OSBPL8: variants seen among roughly 807,000 people sequenced by gnomAD.
OSBPL8 encodes the protein oxysterol binding protein like 8, also known as oxysterol-binding protein-related protein 8.
A neutral mutation model predicts 125.5 loss-of-function variants in OSBPL8; 59 were observed. The ratio of observed to expected loss-of-function variants is 0.47; its 90% CI spans 0.38 to 0.58. The LOEUF is 0.58. Ranked by LOEUF, OSBPL8 falls within the 20% of genes least tolerant of loss-of-function variation. The pLI is 0.00. For missense variants in OSBPL8, 758 were observed against 1,047.8 expected, an observed-to-expected ratio of 0.72 and a Z score of 3.82; for synonymous variants, 330 against 338.9, an observed-to-expected ratio of 0.97 and a Z score of 0.29.
At chr12:76,539,263 C>T (rs772613046) in intron 1 of OSBPL8, among the ~76,000 whole-genome samples, 3 of 152,038 alleles carry the variant, frequency 2.0e-5, no homozygotes, top group Middle Eastern at 3.4e-3. Context: ...CTTCTCTATG[C>T]GTATTTATGT....
At chr12:76,414,221 C>A (rs1868352028) in intron 4 of OSBPL8, among the ~76,000 whole-genome samples, 1 of 151,646 alleles carries the variant, frequency 6.6e-6, no homozygotes, top group Admixed American at 6.6e-5. Flanking sequence ...TTTCTGCACA[C>A]CCTATCTGTT....
chr12:76,368,451 A>AC (rs1192883399), intron 21 of OSBPL8, among the ~76,000 whole-genome samples: 1 of 145,134 alleles, frequency 6.9e-6, no homozygotes, highest in Non-Finnish European at 1.5e-5. Flanking sequence ...AAATTTGGGG[A>AC]TTGGGGGGTC....
chr12:76,358,007 T>TGTCA (rs1952048335), intron 22 of OSBPL8, among the ~76,000 whole-genome samples: 1 of 152,104 alleles, frequency 6.6e-6, no homozygotes, highest in Non-Finnish European at 1.5e-5. Flanking sequence ...TTTTATTGTC[T>TGTCA]GTCACTTCCA....
intron 4 of OSBPL8, among the ~76,000 whole-genome samples, chr12:76,447,625 C>T (rs1872864035): frequency 6.6e-6 from 1 of 152,066 alleles, no homozygotes; most frequent in Non-Finnish European, 1.5e-5. Flanking sequence ...CTCACTGCAA[C>T]CTCTGCCTCC....
intron 3 of OSBPL8, among the ~76,000 whole-genome samples, chr12:76,456,462 CCAA>C (rs1343907940): frequency 6.6e-6 from 1 of 151,984 alleles, no homozygotes; most frequent in Non-Finnish European, 1.5e-5. Context: ...ACTAGCCTGG[CCAA>C]CACGGTGAAA....
rs1953880062 is a variant in OSBPL8 at position 76,397,907 on chromosome 12, G to A, written c.469-10C>T. On this transcript the variant is annotated splice_polypyrimidine_tract_variant and intron_variant, in intron 7 of 23. Transcript: ENST00000261183. ...TTAGAGTACCACGAATCTACAGAAA[G>A]ATAAATTTATTTTAAAAAGGAAGAT... 6.2e-7 allele frequency: 1 copy of A among 1,608,558 alleles called. No individual in the cohort carries two copies. The highest frequency in any genetic ancestry group is 8.5e-7 in the Non-Finnish European group (1 of 1,177,252).
At chr12:76,548,164 A>G (rs1209231548) in intron 1 of OSBPL8, among the ~76,000 whole-genome samples, 1 of 152,218 alleles carries the variant, frequency 6.6e-6, no homozygotes, top group East Asian at 1.9e-4. Flanking sequence ...CTGAAATAAA[A>G]ACAACTCATA....
At chr12:76,440,033 T>C (rs1268759511) in intron 4 of OSBPL8, among the ~76,000 whole-genome samples, 1 of 152,206 alleles carries the variant, frequency 6.6e-6, no homozygotes, top group Non-Finnish European at 1.5e-5. Flanking sequence ...GTTCATTACT[T>C]CTGAGCCTTT....
chr12:76,353,853 A>C lies in OSBPL8; in HGVS notation c.*2036T>G, dbSNP rs1342490175. 6.6e-6 allele frequency: 1 copy of C among 152,436 alleles called. No individual in the cohort carries two copies. Among genetic ancestry groups the C allele is most frequent in the Admixed American group, 6.6e-5 (1 of 15,266 alleles). The allele number at this position is 152,436 out of a possible 1,614,324, so 9.4% of individuals were successfully genotyped here. On this transcript the variant is annotated 3_prime_UTR_variant, in exon 24 of 24. Coordinates refer to ENST00000261183, the MANE Select transcript of OSBPL8 (RefSeq NM_020841.5). ...ACCCATAACATTTGCTCTAAAAAGA[A>C]ATTTTAAAAATAAAGAACACAACTA...
At chr12:76,467,375 T>A (rs545392401) in intron 2 of OSBPL8, among the ~76,000 whole-genome samples, 9 of 152,200 alleles carry the variant, frequency 5.9e-5, no homozygotes, top group African/African-American at 2.2e-4. Flanking sequence ...TCTTCATACC[T>A]AGCATATCTC....
chr12:76,369,364 T>G, intron 20 of OSBPL8, 63 bp from the exon 21 acceptor site: 2 of 1,530,068 alleles, frequency 1.3e-6, no homozygotes, highest in Non-Finnish European at 1.7e-6. Context: ...TTTAAAACTT[T>G]CTATTCTATG....
At chr12:76,460,986 T>A (rs867342231) in intron 2 of OSBPL8, among the ~76,000 whole-genome samples, 51 of 152,348 alleles carry the variant, frequency 3.3e-4, no homozygotes, top group Admixed American at 3.9e-4. Flanking sequence ...GTGATGGCTT[T>A]TTACAATACT....
intron 1 of OSBPL8, among the ~76,000 whole-genome samples, chr12:76,501,022 T>C (rs530927747): frequency 3.2e-4 from 49 of 152,308 alleles, no homozygotes; most frequent in Admixed American, 5.9e-4. Context: ...GCCAGTAACT[T>C]TGGTTAATAA....
At chr12:76,531,631 T>A (rs1052678285) in intron 1 of OSBPL8, among the ~76,000 whole-genome samples, 3 of 152,074 alleles carry the variant, frequency 2.0e-5, no homozygotes, top group African/African-American at 7.2e-5. Context: ...GGGGGAGAGA[T>A]AACTGAATTA....
intron 4 of OSBPL8, among the ~76,000 whole-genome samples, chr12:76,440,382 A>G (rs560510436): frequency 1.1e-3 from 164 of 152,168 alleles, no homozygotes; most frequent in African/African-American, 3.6e-3. Context: ...ACAGGTGCAC[A>G]ATGGCATCTC....
intron 1 of OSBPL8, among the ~76,000 whole-genome samples, chr12:76,501,977 C>T (rs942396850): frequency 6.6e-6 from 1 of 152,214 alleles, no homozygotes; most frequent in African/African-American, 2.4e-5. Flanking sequence ...GAAGAAGAAA[C>T]TCATTTCACA....
intron 4 of OSBPL8, among the ~76,000 whole-genome samples, chr12:76,435,042 A>G (rs1408126048): frequency 3.3e-5 from 5 of 152,174 alleles, no homozygotes; most frequent in Non-Finnish European, 4.4e-5. Context: ...TCTCAAGGAG[A>G]TATCTGTACT....
At chr12:76,477,776 G>C (rs937912028) in intron 2 of OSBPL8, among the ~76,000 whole-genome samples, 14 of 151,832 alleles carry the variant, frequency 9.2e-5, no homozygotes, top group African/African-American at 3.1e-4. Flanking sequence ...ATAGGCGAAG[G>C]GGGGGTACAA....
chr12:76,482,995 C>T (rs1410227867), intron 2 of OSBPL8, among the ~76,000 whole-genome samples: 1 of 152,182 alleles, frequency 6.6e-6, no homozygotes, highest in East Asian at 1.9e-4. Flanking sequence ...GGCACGGTGG[C>T]TCATGCCTGT....
Sources: gnomAD v4.1 joint callset for allele counts (sites outside exome capture counted in the v4.1 genomes callset) on GRCh38, gnomAD v4.1.1 for gene constraint, MANE v1.5 for transcripts, NCBI Gene and HGNC (gene_info 2026-07-23, HGNC 2026-07-21) for gene names.